The following TMTC1 variants were observed in gnomAD, a reference collection of about 807,000 sequenced individuals.
TMTC1 encodes the protein transmembrane O-mannosyltransferase targeting cadherins 1.
Under a neutral mutation model 104.8 loss-of-function variants are expected in TMTC1, and 73 were observed. That is an observed-to-expected ratio of 0.70 (90% CI 0.58 to 0.85). The LOEUF (loss-of-function observed/expected upper bound fraction) is 0.85. TMTC1 is among the 40% of genes least tolerant of loss of function. The pLI, the probability that TMTC1 is intolerant of heterozygous loss-of-function variation, is 0.00. For synonymous variants in TMTC1, 434 were observed against 428.7 expected (o/e 1.01, Z -0.15); for missense variants, 1,035 against 1,096.1 (o/e 0.94, Z 0.79).
At chr12:29,749,343 T>A (rs1565811912) in intron 5 of TMTC1, among the ~76,000 whole-genome samples, 2 of 152,178 alleles carry the variant, frequency 1.3e-5, no homozygotes, top group African/African-American at 4.8e-5. Context: ...ATGCTTAATT[T>A]CCAACACTTT....
At chr12:29,770,150 A>T (rs1943563361) in intron 1 of TMTC1, among the ~76,000 whole-genome samples, 1 of 151,786 alleles carries the variant, frequency 6.6e-6, no homozygotes, top group East Asian at 1.9e-4. Flanking sequence ...TTTAAAAAGA[A>T]AAAAAAAGGC....
chr12:29,525,224 C>T (rs1387662868), intron 11 of TMTC1, among the ~76,000 whole-genome samples: 2 of 114,200 alleles, frequency 1.8e-5, no homozygotes, highest in African/African-American at 6.9e-5. Context: ...GCTCTGTCAC[C>T]CAGGCTGGAG....
At chr12:29,664,758 C>G (rs1401964937) in intron 5 of TMTC1, among the ~76,000 whole-genome samples, 1 of 152,238 alleles carries the variant, frequency 6.6e-6, no homozygotes, top group African/African-American at 2.4e-5. Flanking sequence ...ATTCTCTCAG[C>G]TATTCATTGC....
rs564476271 is a variant in TMTC1, at chr12:29,692,902, G to A, written c.938+58764C>T. Among the ~76,000 whole-genome samples the A allele has an allele frequency of 1.2e-4, 17 of 141,360 alleles. 1 individual carries two copies. The South Asian group carries it at 2.0e-3, about 16-fold the overall frequency. 92.7% of individuals were successfully genotyped at this position (141,360 alleles called of 152,430 possible). A position where few individuals can be genotyped will look rare whatever the true frequency, so the allele number is the denominator to read the frequency against. Reference sequence around the variant, plus strand: ...AAAGAAGCCTGACACAAAATAACACGTTTTATTATTATATTTATATGTAAT... The same window carrying A: ...AAAGAAGCCTGACACAAAATAACACATTTTATTATTATATTTATATGTAAT... On this transcript the variant is annotated intron_variant, in intron 5 of 17. Transcript: ENST00000539277.
intron 2 of TMTC1, 37 bp from the exon 3 acceptor site, chr12:29,758,814 C>A: frequency 6.5e-7 from 1 of 1,530,078 alleles, no homozygotes; most frequent in Non-Finnish European, 8.8e-7. Context: ...AAACTTCAGA[C>A]AATTACTTTC....
chr12:29,531,297 G>A (rs1944497083), intron 11 of TMTC1, among the ~76,000 whole-genome samples: 1 of 152,168 alleles, frequency 6.6e-6, no homozygotes, highest in African/African-American at 2.4e-5. Context: ...GCATTTGTAG[G>A]AGAGAACCTA....
intron 9 of TMTC1, among the ~76,000 whole-genome samples, chr12:29,564,594 T>G (rs1328368726): frequency 6.6e-6 from 1 of 152,130 alleles, no homozygotes; most frequent in East Asian, 1.9e-4. Flanking sequence ...TGCATGGAGG[T>G]AGCTGGTGAC....
At chr12:29,592,791 AACAAT>A (rs1302800198) in intron 7 of TMTC1, among the ~76,000 whole-genome samples, 2 of 152,218 alleles carry the variant, frequency 1.3e-5, no homozygotes, top group Non-Finnish European at 2.9e-5. Context: ...ATACACACAA[AACAAT>A]ACATTATAAC....
Position 29,506,503 on chromosome 12 carries a change from G to A in TMTC1, c.*343C>T. On this transcript the variant is annotated 3_prime_UTR_variant, in exon 18 of 18. Transcript: ENST00000539277. ...GCATTTCAAGCTTCTGTATTTCTGGGACAAAAAATGTCTAAACAGAATTAG... is the reference window on the plus strand; with the variant it reads ...GCATTTCAAGCTTCTGTATTTCTGGAACAAAAAATGTCTAAACAGAATTAG... 1 of 196,648 alleles carries A rather than the reference G, an allele frequency of 5.1e-6. No individual in the cohort carries two copies. The allele number at this position is 196,648 out of a possible 1,614,324, so 12.2% of individuals were successfully genotyped here.
chr12:29,547,029 G>A (rs1448259400), intron 10 of TMTC1, among the ~76,000 whole-genome samples: 3 of 152,150 alleles, frequency 2.0e-5, no homozygotes, highest in Admixed American at 1.3e-4. Flanking sequence ...AAAGGATTCC[G>A]GGAAAGATTG....
At chr12:29,576,315 A>G (rs1945821053) in intron 8 of TMTC1, among the ~76,000 whole-genome samples, 1 of 152,168 alleles carries the variant, frequency 6.6e-6, no homozygotes, top group Non-Finnish European at 1.5e-5. Context: ...GTATCAAAAA[A>G]TTCATAGCCA....
intron 11 of TMTC1, among the ~76,000 whole-genome samples, chr12:29,531,667 A>G (rs1944506796): frequency 6.6e-6 from 1 of 152,156 alleles, no homozygotes; most frequent in Admixed American, 6.5e-5. Context: ...GCTGATGGAG[A>G]ACAAAGAGTA....
rs1943994380 is a variant in TMTC1 at position 29,516,613 on chromosome 12, G to A, written c.2170-127C>T. The A allele has an allele frequency of 2.6e-6, 3 of 1,146,416 alleles. No homozygotes were observed. In the East Asian group the frequency reaches 7.8e-5, roughly 30 times the overall value. The allele number at this position is 1,146,416 out of a possible 1,614,324, so 71.0% of individuals were successfully genotyped here. A position where few individuals can be genotyped will look rare whatever the true frequency, so the allele number is the denominator to read the frequency against. On this transcript the variant is annotated intron_variant, in intron 14 of 17. Coordinates refer to ENST00000539277, the MANE Select transcript of TMTC1 (RefSeq NM_001193451.2). The stretch of plus-strand genomic sequence containing the variant: ...CTCAGCATCAATTTAGTGACTCATA[G>A]AGAAGGCTGAATCACCAGTTTTCAG...
intron 5 of TMTC1, among the ~76,000 whole-genome samples, chr12:29,668,694 C>T (rs1475439996): frequency 6.6e-6 from 1 of 152,148 alleles, no homozygotes; most frequent in Non-Finnish European, 1.5e-5. Flanking sequence ...CTCCTGACCT[C>T]AGGTGATCCA....
rs185825871 is a variant in TMTC1 at position 29,782,612 on chromosome 12, A to G, written c.302+838T>C. 2.5e-3 allele frequency among the ~76,000 whole-genome samples: 385 copies of G among 152,324 alleles called. 6 individuals carry two copies. The highest frequency in any genetic ancestry group is 4.8e-3 in the East Asian group (25 of 5,190). On this transcript the variant is annotated intron_variant, in intron 1 of 17. Transcript: ENST00000539277. ...AAGATAGCATTTCCCTTAAATGAGCACTTCTCTTCTTTCCTCAGAAGCTAG... is the reference window on the plus strand; with the variant it reads ...AAGATAGCATTTCCCTTAAATGAGCGCTTCTCTTCTTTCCTCAGAAGCTAG...
chr12:29,543,317 T>C (rs554344106), intron 10 of TMTC1, among the ~76,000 whole-genome samples: 3 of 152,370 alleles, frequency 2.0e-5, no homozygotes, highest in Admixed American at 1.3e-4. Flanking sequence ...AGTAATTAAG[T>C]ACTGGGTAAG....
At chr12:29,599,851 T>A (rs1307723007) in intron 7 of TMTC1, among the ~76,000 whole-genome samples, 1 of 151,822 alleles carries the variant, frequency 6.6e-6, no homozygotes, top group African/African-American at 2.4e-5. Flanking sequence ...AAAGTGATGA[T>A]CTATATTTTC....
chr12:29,578,547 G>A (rs937220143), intron 8 of TMTC1, among the ~76,000 whole-genome samples: 3 of 152,046 alleles, frequency 2.0e-5, no homozygotes, highest in Non-Finnish European at 4.4e-5. Flanking sequence ...GCGAAACCCT[G>A]TTAATAATTA....
At chr12:29,681,663 T>TC (rs112066731) in intron 5 of TMTC1, among the ~76,000 whole-genome samples, 21,808 of 145,000 alleles carry the variant, frequency 0.15, 1,764 homozygotes, top group East Asian at 0.35. Context: ...ACAAGGCCCC[T>TC]CCCCCTCCCA....
Sources: gnomAD v4.1 joint callset for allele counts (sites outside exome capture counted in the v4.1 genomes callset) on GRCh38, gnomAD v4.1.1 for gene constraint, MANE v1.5 for transcripts, NCBI Gene and HGNC (gene_info 2026-07-23, HGNC 2026-07-21) for gene names.